Variants in SPC24 observed in about 807,000 individuals in gnomAD.
SPC24 encodes the protein kinetochore protein Spc24.
A neutral mutation model predicts 27.6 loss-of-function variants in SPC24; 31 were observed. The ratio of observed to expected loss-of-function variants is 1.12; its 90% CI spans 0.84 to 1.52. The LOEUF (loss-of-function observed/expected upper bound fraction) is 1.52, where lower values mean the gene tolerates loss of function less well. Ranked by LOEUF, SPC24 falls within the 40% of genes most tolerant of loss-of-function variation. The probability of loss-of-function intolerance (pLI) is 0.00; values close to 1 mark genes in which losing one functional copy is unlikely to be tolerated. For missense variants in SPC24, 284 were observed against 252.5 expected (o/e 1.12, Z -0.84); for synonymous variants, 105 against 105.8 (o/e 0.99, Z 0.05).
intron 1 of SPC24, among the ~76,000 whole-genome samples, chr19:11,154,743 C>T (rs1013152638): frequency 6.6e-6 from 1 of 152,016 alleles, no homozygotes; most frequent in Non-Finnish European, 1.5e-5. Context: ...TGGTGGGTGC[C>T]AGGGTCTGAG....
At chr19:11,152,605 C>G (rs1037503027) in intron 1 of SPC24, among the ~76,000 whole-genome samples, 3 of 152,152 alleles carry the variant, frequency 2.0e-5, no homozygotes, top group Admixed American at 1.3e-4. Context: ...TACATAGCTC[C>G]AAACCTAGGA....
intron 1 of SPC24, among the ~76,000 whole-genome samples, chr19:11,150,418 G>A (rs542690208): frequency 3.3e-5 from 5 of 151,898 alleles, no homozygotes; most frequent in East Asian, 3.9e-4. Context: ...CCTGGGAGGC[G>A]GAGGTTGCGG....
Position 11,148,053 on chromosome 19 carries a change from C to A in SPC24, c.370G>T (p.Glu124Ter), listed in dbSNP as rs1277124462. Residue 124 changes from glutamate to a stop codon, truncating the protein, a stop_gained, in exon 3 of 5, where the codon GAG becomes TAG. Coordinates refer to ENST00000592540, the MANE Select transcript of SPC24 (RefSeq NM_182513.4). LOFTEE classifies it high-confidence loss of function. ...GTGACTGTCGTGTCCTCGTCGACCT[C>A]CTTCTCCTGTCGCTCCAGATCCGCC... ...IEADLERQEK[E>*]VDEDTTVTIP... is the part of the protein sequence containing the mutation. 1.2e-6 allele frequency: 2 copies of A among 1,613,912 alleles called. No individual in the cohort carries two copies. Among genetic ancestry groups the A allele is most frequent in the African/African-American group, 2.7e-5 (2 of 75,048 alleles).
At position 11,146,026 on chromosome 19, in the gene SPC24, T is replaced by C. The variant is rs777684941; in HGVS notation, c.*1157A>G. 3 of 152,122 alleles carry C rather than the reference T, an allele frequency of 2.0e-5. No homozygotes were observed. Among genetic ancestry groups the C allele is most frequent in the Non-Finnish European group, 2.9e-5 (2 of 68,106 alleles). 9.4% of individuals were successfully genotyped at this position (152,122 alleles called of 1,614,324 possible). ...GCCTCTGCCTTCTACAGTGCTGGGA[T>C]TGCAGGCATGAGCCACCACACCTGG... On this transcript the variant is annotated 3_prime_UTR_variant, in exon 5 of 5. Coordinates refer to ENST00000592540, the MANE Select transcript of SPC24 (RefSeq NM_182513.4).
chr19:11,147,796 A>C lies in SPC24; in HGVS notation c.487+22T>G, dbSNP rs147811159. The C allele has an allele frequency of 2.8e-5, 45 of 1,606,354 alleles. No individual in the cohort carries two copies. In the Admixed American group the frequency reaches 5.7e-4, roughly 20 times the overall value. ...CCTACCTACAGTGCACAAGGGTTAA[A>C]ATGGCTCCCCAAAAAGGATACTGCC... On this transcript the variant is annotated intron_variant, in intron 4 of 4. Coordinates refer to ENST00000592540, the MANE Select transcript of SPC24 (RefSeq NM_182513.4).
chr19:11,147,127 G>T lies in SPC24; in HGVS notation c.*56C>A. On this transcript the variant is annotated 3_prime_UTR_variant, in exon 5 of 5. Transcript: ENST00000592540. ...TATGTCCCCACATTTCATTTGAAATGGATCTGACCACGGCAGATGCCCGCT... is the reference window on the plus strand; with the variant it reads ...TATGTCCCCACATTTCATTTGAAATTGATCTGACCACGGCAGATGCCCGCT... The T allele has an allele frequency of 2.1e-6, 2 of 953,678 alleles. No homozygotes were observed. The highest frequency in any genetic ancestry group is 3.1e-6 in the Non-Finnish European group (2 of 639,870). The allele number at this position is 953,678 out of a possible 1,614,324, so 59.1% of individuals were successfully genotyped here. A position where few individuals can be genotyped will look rare whatever the true frequency, so the allele number is the denominator to read the frequency against.
At chr19:11,154,375 CT>C (rs2077895906) in intron 1 of SPC24, among the ~76,000 whole-genome samples, 1 of 151,976 alleles carries the variant, frequency 6.6e-6, no homozygotes, top group African/African-American at 2.4e-5. Context: ...CCCATCTCTA[CT>C]AAAAATACAA....
rs770047700 is a variant in SPC24, at chr19:11,148,082, A to G, written c.341T>C (p.Ile114Thr). Residue 114 changes from isoleucine to threonine, a missense_variant, in exon 3 of 5, where the codon ATT (isoleucine) becomes ACT (threonine). Ile to Thr is a moderately conservative substitution (Grantham distance 89). Transcript: ENST00000592540. ...LTRELEELKE[I>T]EADLERQEKE... ...CTCCTGTCGCTCCAGATCCGCCTCA[A>G]TCTCCTTGAGCTCTTCCAGCTCTCT... 12 of 1,613,676 alleles carry G rather than the reference A, an allele frequency of 7.4e-6. No homozygotes were observed. Among genetic ancestry groups the G allele is most frequent in the Middle Eastern group, 3.3e-4 (2 of 6,084 alleles).
At chr19:11,154,205 C>T (rs2077894483) in intron 1 of SPC24, among the ~76,000 whole-genome samples, 1 of 152,082 alleles carries the variant, frequency 6.6e-6, no homozygotes, top group Non-Finnish European at 1.5e-5. Flanking sequence ...ACAATGCGGT[C>T]CATCCTTCTA....
At chr19:11,150,103 C>T (rs900815247) in intron 1 of SPC24, among the ~76,000 whole-genome samples, 2 of 145,436 alleles carry the variant, frequency 1.4e-5, no homozygotes, top group African/African-American at 2.6e-5. Context: ...AGGAGAATCA[C>T]TTGAACCCAG....
chr19:11,149,180 C>T lies in SPC24; in HGVS notation c.219G>A (p.Val73=), dbSNP rs753379654. 7.1e-6 allele frequency: 11 copies of T among 1,550,714 alleles called. No homozygotes were observed. The highest frequency in any genetic ancestry group is 2.4e-5 in the East Asian group (1 of 40,886). ...GCTGCAGCTCCACGCCTCCCTGGTG[C>T]ACCTGCTCCTTCGCATTGAGAAGGC... ...AQSLLNAKEQ[V]HQGGVELQQL... The change falls in exon 2 of 5, where the codon GTG becomes GTA. Residue 73 remains valine (V), a synonymous_variant. Coordinates refer to ENST00000592540, the MANE Select transcript of SPC24 (RefSeq NM_182513.4).
chr19:11,150,926 G>A (rs1357121495), intron 1 of SPC24, among the ~76,000 whole-genome samples: 1 of 152,180 alleles, frequency 6.6e-6, no homozygotes, highest in African/African-American at 2.4e-5. Context: ...CACTTTGGGA[G>A]GCCGAGGCAG....
At chr19:11,150,161 T>A (rs1428650571) in intron 1 of SPC24, among the ~76,000 whole-genome samples, 1 of 117,386 alleles carries the variant, frequency 8.5e-6, no homozygotes, top group Non-Finnish European at 1.6e-5. Flanking sequence ...CACTCCAGCC[T>A]AGGGGGCTGA....
Position 11,148,805 on chromosome 19 carries a change from A to T in SPC24, c.305+289T>A, listed in dbSNP as rs192124497. Among the ~76,000 whole-genome samples, 5 of 150,860 alleles carry T rather than the reference A, an allele frequency of 3.3e-5. No individual in the cohort carries two copies. The East Asian group carries it at 9.9e-4, about 30-fold the overall frequency. ...ATTTTTTTTTGTATTTTTAGTAGAG[A>T]CGGGGTTTCACTGTGTTAGCCAGGA... On this transcript the variant is annotated intron_variant, in intron 2 of 4. Transcript: ENST00000592540.
At chr19:11,148,601 C>G (rs1190528711) in intron 2 of SPC24, among the ~76,000 whole-genome samples, 1 of 151,882 alleles carries the variant, frequency 6.6e-6, no homozygotes. Context: ...CCACCTCGGC[C>G]TCCCAAGTAG....
intron 1 of SPC24, among the ~76,000 whole-genome samples, chr19:11,154,494 A>G (rs917398855): frequency 6.6e-6 from 1 of 152,158 alleles, no homozygotes; most frequent in African/African-American, 2.4e-5. Flanking sequence ...AGCCAAGATC[A>G]CACCACTGCA....
At position 11,146,975 on chromosome 19, in the gene SPC24, G is replaced by A. The variant is rs2077830511; in HGVS notation, c.*208C>T. The A allele has an allele frequency of 9.3e-6, 3 of 323,858 alleles. No homozygotes were observed. Among genetic ancestry groups the A allele is most frequent in the African/African-American group, 6.6e-5 (3 of 45,574 alleles). The allele number at this position is 323,858 out of a possible 1,614,324, so 20.1% of individuals were successfully genotyped here. On this transcript the variant is annotated 3_prime_UTR_variant, in exon 5 of 5. Transcript: ENST00000592540. ...CATGCCTGTAATCCCAGCTACTTTG[G>A]AGGCTGAGGCAGGAGAATCGCTTGA...
At chr19:11,154,991 G>C (rs1479957872) in intron 1 of SPC24, among the ~76,000 whole-genome samples, 1 of 152,124 alleles carries the variant, frequency 6.6e-6, no homozygotes, top group East Asian at 1.9e-4. Flanking sequence ...TTTGAGACCA[G>C]CCTGGCCAAC....
Position 11,147,361 on chromosome 19 carries a change from CCTTTA to C in SPC24, c.488-77_488-73del, listed in dbSNP as rs2077834545. 1.2e-5 allele frequency: 13 copies of C among 1,089,396 alleles called. 1 individual carries two copies. Among genetic ancestry groups the C allele is most frequent in the South Asian group, 1.5e-5 (1 of 67,362 alleles). The allele number at this position is 1,089,396 out of a possible 1,614,324, so 67.5% of individuals were successfully genotyped here. A position where few individuals can be genotyped will look rare whatever the true frequency, so the allele number is the denominator to read the frequency against. Reference sequence around the variant, plus strand: ...CAACCCCACGGGGAAAAGGATACTGCCTTTACTTTTTTTTTTTGAGACAAAGTTTC... The same window carrying C: ...CAACCCCACGGGGAAAAGGATACTGCCTTTTTTTTTTTGAGACAAAGTTTC... On this transcript the variant is annotated intron_variant, in intron 4 of 4. Transcript: ENST00000592540.
Sources: allele counts gnomAD v4.1 joint callset (sites outside exome capture counted in the v4.1 genomes callset), GRCh38; gene constraint gnomAD v4.1.1; transcripts MANE v1.5; gene names NCBI Gene and HGNC (gene_info 2026-07-23, HGNC 2026-07-21).